The following TRIM10 variants were observed in gnomAD, a reference collection of about 807,000 sequenced individuals.
TRIM10 encodes the protein tripartite motif-containing protein 10.
In TRIM10, 42 loss-of-function variants were observed where a neutral mutation model predicts 40.0. That is an observed-to-expected ratio of 1.05 (90% confidence interval 0.82 to 1.36). The LOEUF is 1.36. TRIM10 is among the 40% of genes most tolerant of loss of function. The pLI, the probability that TRIM10 is intolerant of heterozygous loss-of-function variation, is 0.00. For missense variants in TRIM10, 601 were observed against 608.3 expected, an observed-to-expected ratio of 0.99 and a Z score of 0.13; for synonymous variants, 260 against 239.5, an observed-to-expected ratio of 1.09 and a Z score of -0.79.
At chr6:30,156,896 T>C (rs1772580114) in intron 5 of TRIM10, 43 bp downstream of exon 5, 2 of 1,578,778 alleles carry the variant, frequency 1.3e-6, no homozygotes, top group East Asian at 4.5e-5. Flanking sequence ...AAACCCAGGC[T>C]TCATGGCCAC....
At chr6:30,163,823 G>C, upstream of TRIM10, 1 of 1,613,006 alleles carries the variant, frequency 6.2e-7, no homozygotes, top group Non-Finnish European at 8.5e-7. Flanking sequence ...CTCCCAGATG[G>C]GGGCCCAATC....
Position 30,154,253 on chromosome 6 carries a change from C to T in TRIM10, c.1162G>A (p.Val388Met), listed in dbSNP as rs547546398. 82 of 1,613,096 alleles carry T rather than the reference C, an allele frequency of 5.1e-5. No homozygotes were observed. Among genetic ancestry groups the T allele is most frequent in the Non-Finnish European group, 6.5e-5 (77 of 1,180,022 alleles). ...SCTVGVVSED[V>M]QRKGELRLRP... ...AGCCGAAGCTCCCCCTTCCGCTGCA[C>T]ATCCTCGCTCACCACGCCCACGGTG... Residue 388 changes from valine (V) to methionine (M), a missense_variant, in exon 7 of 7, where the codon GTG (valine) becomes ATG (methionine). Transcript: ENST00000449742.
At chr6:30,155,646 A>T in intron 6 of TRIM10, 81 bp downstream of exon 6, 1 of 1,262,050 alleles carries the variant, frequency 7.9e-7, no homozygotes, top group South Asian at 1.3e-5. Context: ...GTCATAACAT[A>T]GTCATAGTGC....
At chr6:30,163,661 G>T, upstream of TRIM10, 3 of 1,582,742 alleles carry the variant, frequency 1.9e-6, no homozygotes, top group Non-Finnish European at 2.6e-6. Context: ...AGACCGGAGT[G>T]GACGGGCTGG....
intron 5 of TRIM10, 101 bp downstream of exon 5, chr6:30,156,838 G>T (rs776675899): frequency 9.8e-7 from 1 of 1,023,000 alleles, no homozygotes; most frequent in South Asian, 1.3e-5. Context: ...AAGGAATAAG[G>T]CTTGCCAAAG....
rs746890893 is a variant in TRIM10, at chr6:30,154,362, G to A, written c.1053C>T (p.Ala351=). Residue 351 remains alanine, a synonymous_variant, in exon 7 of 7, where the codon GCC becomes GCT. Coordinates refer to ENST00000449742, the MANE Select transcript of TRIM10 (RefSeq NM_006778.4). Reference sequence around the variant, plus strand: ...TGCCAGTGTGGGCCAGAACACAGGTGGCCCGGTCAAAACGTTGGGGGTTGT... The same window carrying A: ...TGCCAGTGTGGGCCAGAACACAGGTAGCCCGGTCAAAACGTTGGGGGTTGT... ...SPDNPQRFDR[A]TCVLAHTGIT... 10 of 1,612,954 alleles carry A rather than the reference G, an allele frequency of 6.2e-6. No individual in the cohort carries two copies. The highest frequency in any genetic ancestry group is 8.5e-6 in the Non-Finnish European group (10 of 1,180,036).
At chr6:30,156,798 A>C in intron 5 of TRIM10, 141 bp downstream of exon 5, 1 of 748,910 alleles carries the variant, frequency 1.3e-6, no homozygotes, top group Non-Finnish European at 2.4e-6. Context: ...ATTTTATAAA[A>C]ATCTGCAAAT....
At position 30,159,260 on chromosome 6, in the gene TRIM10, C is replaced by A. The variant is rs1416817520; in HGVS notation, c.430-15G>T. The stretch of plus-strand genomic sequence containing the variant: ...TGGATTTGTTCCTGGGGAGAAGGAA[C>A]ATAAAATACTCAAGATGGAAAATGA... On this transcript the variant is annotated splice_polypyrimidine_tract_variant and intron_variant, in intron 1 of 6. Coordinates refer to ENST00000449742, the MANE Select transcript of TRIM10 (RefSeq NM_006778.4). The A allele has an allele frequency of 6.5e-7, 1 of 1,528,966 alleles. No homozygotes were observed. The highest frequency in any genetic ancestry group is 1.7e-5 in the Admixed American group (1 of 59,816). 94.7% of individuals were successfully genotyped at this position (1,528,966 alleles called of 1,614,324 possible).
chr6:30,160,889 C>T lies in TRIM10; in HGVS notation c.-31G>A, dbSNP rs1773035808. The T allele has an allele frequency of 7.0e-6, 11 of 1,565,474 alleles. No homozygotes were observed. Among genetic ancestry groups the T allele is most frequent in the Non-Finnish European group, 9.5e-6 (11 of 1,159,444 alleles). On this transcript the variant is annotated 5_prime_UTR_variant, in exon 1 of 7. Transcript: ENST00000449742. ...TCCTGCTGCTATGGCTTCCTCAAGGCCACTCTCTCTGCTTGGCCACGGGGG... is the reference window on the plus strand; with the variant it reads ...TCCTGCTGCTATGGCTTCCTCAAGGTCACTCTCTCTGCTTGGCCACGGGGG...
At chr6:30,163,442 C>T, upstream of TRIM10, 2 of 574,034 alleles carry the variant, frequency 3.5e-6, no homozygotes, top group South Asian at 2.5e-5. Context: ...TAATTCGAGA[C>T]GCCCTGGAAT....
intron 5 of TRIM10, 51 bp from the exon 6 acceptor site, chr6:30,155,810 CA>C: frequency 6.3e-7 from 1 of 1,575,398 alleles, no homozygotes; most frequent in Non-Finnish European, 8.7e-7. Flanking sequence ...ACAAAACCAT[CA>C]GACACTTAAT....
upstream of TRIM10, among the ~76,000 whole-genome samples, chr6:30,162,444 G>C (rs1773195177): frequency 6.6e-6 from 1 of 152,214 alleles, no homozygotes; most frequent in Non-Finnish European, 1.5e-5. Flanking sequence ...TTCCTGGGCT[G>C]CACTCGTGGC....
At position 30,154,363 on chromosome 6, in the gene TRIM10, G is replaced by T. The variant is rs748981133; in HGVS notation, c.1052C>A (p.Ala351Asp). 6.2e-7 allele frequency: 1 copy of T among 1,613,090 alleles called. No homozygotes were observed. Among genetic ancestry groups the T allele is most frequent in the Non-Finnish European group, 8.5e-7 (1 of 1,180,038 alleles). The change falls in exon 7 of 7, where the codon GCC becomes GAC. Residue 351 changes from alanine (A) to aspartate (D), a missense_variant. By Grantham distance (126) the Ala-to-Asp change is moderately radical. Coordinates refer to ENST00000449742, the MANE Select transcript of TRIM10 (RefSeq NM_006778.4). Reference sequence around the variant, plus strand: ...GCCAGTGTGGGCCAGAACACAGGTGGCCCGGTCAAAACGTTGGGGGTTGTC... The same window carrying T: ...GCCAGTGTGGGCCAGAACACAGGTGTCCCGGTCAAAACGTTGGGGGTTGTC... Reference protein sequence around the residue: ...SPDNPQRFDRATCVLAHTGIT... With the variant: ...SPDNPQRFDRDTCVLAHTGIT...
chr6:30,163,778 G>A, upstream of TRIM10: 1 of 1,613,020 alleles, frequency 6.2e-7, no homozygotes, highest in Non-Finnish European at 8.5e-7. Context: ...CATTCCCTGT[G>A]GACACACCTT....
chr6:30,163,401 G>A, upstream of TRIM10: 1 of 538,540 alleles, frequency 1.9e-6, no homozygotes, highest in East Asian at 3.1e-5. Context: ...TAAAGAACTG[G>A]CTTACTTGGC....
In TRIM10 at chr6:30,153,672, A is replaced by G. The variant is rs1263373021; in HGVS notation, c.*297T>C. The stretch of plus-strand genomic sequence containing the variant: ...TCAAGAACCCAGGTCTTCTGACTTC[A>G]AATCCAGTGCCCTTTCTATGCAGCT... On this transcript the variant is annotated 3_prime_UTR_variant, in exon 7 of 7. Transcript: ENST00000449742. The G allele has an allele frequency of 1.9e-5, 31 of 1,605,816 alleles. No individual in the cohort carries two copies. The highest frequency in any genetic ancestry group is 2.6e-5 in the Non-Finnish European group (31 of 1,176,600).
rs756907085 is a variant in TRIM10, at chr6:30,153,791, C to G, written c.*178G>C. 4.3e-6 allele frequency: 7 copies of G among 1,613,064 alleles called. No homozygotes were observed. The highest frequency in any genetic ancestry group is 5.9e-6 in the Non-Finnish European group (7 of 1,180,026). ...CATCCACTGGGCATTGGGGAAAGGA[C>G]TTGATCAGTAGATTGAGAGTCCTCT... On this transcript the variant is annotated 3_prime_UTR_variant, in exon 7 of 7. Coordinates refer to ENST00000449742, the MANE Select transcript of TRIM10 (RefSeq NM_006778.4).
At chr6:30,157,153 C>T in intron 4 of TRIM10, 99 bp from the exon 5 acceptor site, 2 of 1,282,112 alleles carry the variant, frequency 1.6e-6, no homozygotes, top group Non-Finnish European at 1.1e-6. Flanking sequence ...GGCGCTAGTT[C>T]CTGCAGGCAG....
chr6:30,154,029 C>G lies in TRIM10; in HGVS notation c.1386G>C (p.Arg462Ser). Residue 462 changes from arginine (R) to serine (S), a missense_variant, in exon 7 of 7, where the codon AGG becomes AGC. By Grantham distance (110) the Arg-to-Ser change is moderately radical. Transcript: ENST00000449742. ...AGAGCCCAAAGAAGGGAATGACCTT[C>G]CTAGTGAAGGAGGCAGTGAAGGTGT... ...PIYTFTASFT[R>S]KVIPFFGLWG... 1 of 1,611,674 alleles carries G rather than the reference C, an allele frequency of 6.2e-7. No individual in the cohort carries two copies. Among genetic ancestry groups the G allele is most frequent in the Non-Finnish European group, 8.5e-7 (1 of 1,178,902 alleles).
Sources: gnomAD v4.1 joint callset for allele counts (sites outside exome capture counted in the v4.1 genomes callset) on GRCh38, gnomAD v4.1.1 for gene constraint, MANE v1.5 for transcripts, NCBI Gene and HGNC (gene_info 2026-07-23, HGNC 2026-07-21) for gene names.